EPHA5: variants seen among roughly 807,000 people sequenced by gnomAD.
EPHA5 encodes the protein ephrin type-A receptor 5.
EPHA5 carries 60 observed loss-of-function variants against 105.0 expected under a neutral mutation model. The observed-to-expected ratio is 0.57, with a 90% CI of 0.46 to 0.71. EPHA5 has a LOEUF of 0.71. Among genes scored for constraint, EPHA5 ranks in the 30% least tolerant of loss-of-function variants. EPHA5 has a pLI of 0.00. For synonymous variants in EPHA5, 513 were observed against 449.1 expected, an observed-to-expected ratio of 1.14 and a Z score of -1.80; for missense variants, 1,218 against 1,274.7, an observed-to-expected ratio of 0.96 and a Z score of 0.68.
At chr4:65,544,772 C>A (rs1737210917) in intron 3 of EPHA5, among the ~76,000 whole-genome samples, 1 of 151,840 alleles carries the variant, frequency 6.6e-6, no homozygotes, top group Admixed American at 6.6e-5. Context: ...GACACATGCA[C>A]ATATATATTA....
intron 5 of EPHA5, among the ~76,000 whole-genome samples, chr4:65,461,907 T>C (rs2149132493): frequency 6.6e-6 from 1 of 152,140 alleles, no homozygotes; most frequent in South Asian, 2.1e-4. Flanking sequence ...AGGTCAAGTC[T>C]ACAGAGATAC....
At chr4:65,403,683 C>A (rs1331885750) in intron 8 of EPHA5, among the ~76,000 whole-genome samples, 1 of 151,810 alleles carries the variant, frequency 6.6e-6, no homozygotes, top group Non-Finnish European at 1.5e-5. Context: ...AGCTTAATAT[C>A]AGAAAGCACC....
In EPHA5 at chr4:65,623,504, GAATAT is replaced by G. The variant is rs1408221157; in HGVS notation, c.246+19854_246+19858del. Among the ~76,000 whole-genome samples, 68 of 152,196 alleles carry G rather than the reference GAATAT, an allele frequency of 4.5e-4. 1 individual carries two copies. The highest frequency in any genetic ancestry group is 1.6e-3 in the African/African-American group (66 of 41,560). ...ATCATAAGAAGTATACAATATGTGA[GAATAT>G]AATATAACATATAATATAATAGCAT... is the stretch of plus-strand genomic sequence containing the variant. On this transcript the variant is annotated intron_variant, in intron 2 of 16. Transcript: ENST00000613740.
chr4:65,464,105 T>C (rs571826669), intron 5 of EPHA5, among the ~76,000 whole-genome samples: 6 of 151,980 alleles, frequency 3.9e-5, no homozygotes, highest in African/African-American at 9.6e-5. Context: ...CAAAAAACTG[T>C]AGTACCAGAG....
intron 2 of EPHA5, among the ~76,000 whole-genome samples, chr4:65,640,982 A>G (rs1275407626): frequency 6.6e-6 from 1 of 152,184 alleles, no homozygotes; most frequent in Non-Finnish European, 1.5e-5. Flanking sequence ...CTCACACAGA[A>G]GAAAAATCAG....
intron 2 of EPHA5, 62 bp from the exon 3 acceptor site, chr4:65,602,366 T>C (rs1743823301): frequency 6.8e-6 from 9 of 1,324,002 alleles, no homozygotes; most frequent in South Asian, 3.3e-5. Flanking sequence ...CAAGGAACTA[T>C]AGCAAAAATT....
At chr4:65,331,856 G>C in intron 16 of EPHA5, 117 bp downstream of exon 16, 1 of 1,439,700 alleles carries the variant, frequency 6.9e-7, no homozygotes, top group East Asian at 2.5e-5. Flanking sequence ...AGGCTTCTTT[G>C]AGAGCTGCCA....
Position 65,392,273 on chromosome 4 carries a change from C to A in EPHA5, c.1793+12101G>T, listed in dbSNP as rs577876147. 2.6e-5 allele frequency among the ~76,000 whole-genome samples: 4 copies of A among 152,098 alleles called. No homozygotes were observed. The South Asian group carries it at 8.3e-4, about 31-fold the overall frequency. ...AACCCTCAGATATTAAATCAATACACGTCTGGATTTTTTCCAGTTTTACAA... is the reference window on the plus strand; with the variant it reads ...AACCCTCAGATATTAAATCAATACAAGTCTGGATTTTTTCCAGTTTTACAA... On this transcript the variant is annotated intron_variant, in intron 8 of 16. Coordinates refer to ENST00000613740, the MANE Select transcript of EPHA5 (RefSeq NM_001281766.3).
At chr4:65,444,020 C>T (rs777210866) in intron 5 of EPHA5, among the ~76,000 whole-genome samples, 11 of 152,142 alleles carry the variant, frequency 7.2e-5, no homozygotes, top group Middle Eastern at 3.4e-3. Flanking sequence ...TAACAGGAAA[C>T]ATCTATTGCT....
intron 3 of EPHA5, among the ~76,000 whole-genome samples, chr4:65,565,159 A>C (rs1200127666): frequency 6.6e-6 from 1 of 151,736 alleles, no homozygotes; most frequent in African/African-American, 2.4e-5. Context: ...GACTAAGACT[A>C]TTCCCAAATC....
chr4:65,489,736 C>G (rs1394572941), intron 5 of EPHA5, among the ~76,000 whole-genome samples: 1 of 152,110 alleles, frequency 6.6e-6, no homozygotes, highest in African/African-American at 2.4e-5. Context: ...AAATCAGTAG[C>G]TCAGACACGA....
intron 3 of EPHA5, among the ~76,000 whole-genome samples, chr4:65,583,171 C>T (rs565700646): frequency 1.1e-4 from 17 of 151,132 alleles, no homozygotes; most frequent in African/African-American, 3.6e-4. Context: ...TTCCTGCTCT[C>T]GGAGAGTTTA....
rs575507592 is a variant in EPHA5 at position 65,519,474 on chromosome 4, G to A, written c.911-23931C>T. Among the ~76,000 whole-genome samples, 27 of 152,210 alleles carry A rather than the reference G, an allele frequency of 1.8e-4. 1 individual carries two copies. The South Asian group carries it at 5.6e-3, about 32-fold the overall frequency. ...TTCCTTTGAAAACTGGCACAAGACA[G>A]GGATGCCCTCTCTCACCACTCCTCT... On this transcript the variant is annotated intron_variant, in intron 3 of 16. Transcript: ENST00000613740.
At chr4:65,621,548 A>G (rs1745706469) in intron 2 of EPHA5, among the ~76,000 whole-genome samples, 1 of 152,212 alleles carries the variant, frequency 6.6e-6, no homozygotes, top group Non-Finnish European at 1.5e-5. Flanking sequence ...TGTATATAGT[A>G]CTTTGTACAA....
chr4:65,656,177 T>A (rs1749045804), intron 1 of EPHA5, among the ~76,000 whole-genome samples: 1 of 149,784 alleles, frequency 6.7e-6, no homozygotes, highest in Non-Finnish European at 1.5e-5. Flanking sequence ...ACTGCTAGCT[T>A]TATGTCTATG....
Position 65,459,516 on chromosome 4 carries a change from C to T in EPHA5, c.1402+30861G>A, listed in dbSNP as rs542789407. 4.6e-5 allele frequency among the ~76,000 whole-genome samples: 7 copies of T among 151,838 alleles called. No individual in the cohort carries two copies. The South Asian group carries it at 6.2e-4, about 13-fold the overall frequency. On this transcript the variant is annotated intron_variant, in intron 5 of 16. Coordinates refer to ENST00000613740, the MANE Select transcript of EPHA5 (RefSeq NM_001281766.3). ...TAGGAATAATTAGTTGAATAAAAGG[C>T]TATCCCTTTTACTGTGTCAGTGGTC... is the stretch of plus-strand genomic sequence containing the variant.
intron 3 of EPHA5, among the ~76,000 whole-genome samples, chr4:65,574,667 C>CATATATAT (rs1361215824): frequency 1.1e-5 from 1 of 87,208 alleles, no homozygotes. Context: ...TATATATATA[C>CATATATAT]ACATATATAT....
intron 15 of EPHA5, among the ~76,000 whole-genome samples, chr4:65,332,581 T>C (rs1201307524): frequency 1.4e-5 from 2 of 143,160 alleles, no homozygotes; most frequent in Non-Finnish European, 3.0e-5. Context: ...CGGTAATAAA[T>C]GTGTCATTCT....
chr4:65,517,051 T>C (rs1228211255), intron 3 of EPHA5, among the ~76,000 whole-genome samples: 1 of 152,140 alleles, frequency 6.6e-6, no homozygotes, highest in East Asian at 1.9e-4. Flanking sequence ...TATCAATTAC[T>C]TAGAGAAGTG....
Sources: allele counts gnomAD v4.1 joint callset (sites outside exome capture counted in the v4.1 genomes callset), GRCh38; gene constraint gnomAD v4.1.1; transcripts MANE v1.5; gene names NCBI Gene and HGNC (gene_info 2026-07-23, HGNC 2026-07-21).